The following PDE4D variants were observed in gnomAD, a reference collection of about 807,000 sequenced individuals.
PDE4D encodes the protein phosphodiesterase 4D.
In PDE4D, 24 loss-of-function variants were observed where a neutral mutation model predicts 87.4. The observed-to-expected ratio is 0.27, with a 90% CI of 0.20 to 0.39. The LOEUF (loss-of-function observed/expected upper bound fraction) is 0.39, where lower values mean the gene tolerates loss of function less well. Ranked by LOEUF, PDE4D falls within the 10% of genes least tolerant of loss-of-function variation. PDE4D has a pLI of 1.00. For missense variants in PDE4D, 714 were observed against 1,041.0 expected (o/e 0.69, Z 4.32); for synonymous variants, 384 against 383.2 (o/e 1.00, Z -0.02).
chr5:59,725,789 T>A (rs1048631821), intron 1 of PDE4D, among the ~76,000 whole-genome samples: 5 of 152,046 alleles, frequency 3.3e-5, no homozygotes, highest in Non-Finnish European at 2.9e-5. Context: ...AGGGCTTTAT[T>A]TAATTAAACA....
chr5:59,233,610 G>A (rs577010335), intron 1 of PDE4D, among the ~76,000 whole-genome samples: 2 of 152,226 alleles, frequency 1.3e-5, no homozygotes, highest in African/African-American at 2.4e-5. Flanking sequence ...AGAGCCAAAT[G>A]TTCCTCTCTA....
intron 5 of PDE4D, among the ~76,000 whole-genome samples, chr5:59,134,483 T>C (rs1049197756): frequency 2.0e-5 from 3 of 152,116 alleles, no homozygotes; most frequent in African/African-American, 7.2e-5. Context: ...AGTTTTCTCT[T>C]TGAAAAGTCA....
intron 3 of PDE4D, among the ~76,000 whole-genome samples, chr5:59,187,373 A>C (rs6871806): frequency 0.59 from 89,114 of 151,898 alleles, 26,412 homozygotes; most frequent in Middle Eastern, 0.63. Flanking sequence ...ATAAAGCAAA[A>C]AGTCTCCCCT....
intron 5 of PDE4D, chr5:59,157,012 A>AT (rs1359373093): frequency 1.7e-5 from 2 of 119,546 alleles, no homozygotes; most frequent in Non-Finnish European, 2.8e-5. Context: ...TTCTTCATTA[A>AT]TTAAAAAAAA....
At position 60,365,936 on chromosome 5, in the gene PDE4D, C is replaced by T. The variant is rs979223042; in HGVS notation, c.-90+122006G>A. Among the ~76,000 whole-genome samples, 7 of 151,382 alleles carry T rather than the reference C, an allele frequency of 4.6e-5. No individual in the cohort carries two copies. In the South Asian group the frequency reaches 1.5e-3, roughly 32 times the overall value. ...GCACATGCCTATAATCCCAGCTACT[C>T]GGGAGGCTGAGGCAGGAGAATTGCT... On this transcript the variant is annotated intron_variant, in intron 1 of 16. Transcript: ENST00000502484.
intron 1 of PDE4D, among the ~76,000 whole-genome samples, chr5:60,287,941 G>A (rs1752558834): frequency 6.6e-6 from 1 of 152,156 alleles, no homozygotes; most frequent in Non-Finnish European, 1.5e-5. Flanking sequence ...CATTTTAAAG[G>A]AGCATCCATT....
At chr5:60,083,657 C>T (rs190459128) in intron 2 of PDE4D, among the ~76,000 whole-genome samples, 5 of 152,284 alleles carry the variant, frequency 3.3e-5, no homozygotes, top group African/African-American at 1.2e-4. Context: ...AAAATAGAGT[C>T]ATTAGCCCCA....
At chr5:59,477,373 A>AAAT (rs1554190139) in intron 1 of PDE4D, among the ~76,000 whole-genome samples, 168 of 143,106 alleles carry the variant, frequency 1.2e-3, no homozygotes, top group South Asian at 3.6e-3. Flanking sequence ...AAAAAAAAAA[A>AAAT]ATTAAAGAAT....
chr5:60,123,158 C>A (rs896755075), intron 2 of PDE4D, among the ~76,000 whole-genome samples: 1 of 152,192 alleles, frequency 6.6e-6, no homozygotes, highest in African/African-American at 2.4e-5. Flanking sequence ...AAGCTCCATA[C>A]TTTCCCACAT....
At chr5:59,067,037 G>C (rs1463817) in intron 5 of PDE4D, among the ~76,000 whole-genome samples, 99,089 of 150,268 alleles carry the variant, frequency 0.66, 32,675 homozygotes, top group East Asian at 0.87. Context: ...TATTTAGAGA[G>C]AGAGTTTTGC....
intron 1 of PDE4D, among the ~76,000 whole-genome samples, chr5:60,355,764 T>C (rs1253147753): frequency 6.6e-6 from 1 of 151,938 alleles, no homozygotes; most frequent in African/African-American, 2.4e-5. Flanking sequence ...AAGAAAATCA[T>C]AAGGAAAAGA....
At chr5:59,439,760 T>C (rs1250236637) in intron 1 of PDE4D, among the ~76,000 whole-genome samples, 1 of 151,582 alleles carries the variant, frequency 6.6e-6, no homozygotes, top group East Asian at 1.9e-4. Context: ...GCCCTTGGGG[T>C]TGGGATATAG....
At chr5:59,699,798 G>T (rs1018961217) in intron 1 of PDE4D, among the ~76,000 whole-genome samples, 2 of 151,990 alleles carry the variant, frequency 1.3e-5, no homozygotes, top group Non-Finnish European at 2.9e-5. Context: ...TAGCAAAAAG[G>T]TATTTATTTT....
intron 2 of PDE4D, among the ~76,000 whole-genome samples, chr5:60,102,342 T>C (rs1378024296): frequency 1.3e-5 from 2 of 152,142 alleles, no homozygotes; most frequent in East Asian, 3.9e-4. Context: ...AGGTTTGGGA[T>C]ATGAATCCTG....
At chr5:60,216,188 C>T (rs996459942) in intron 1 of PDE4D, among the ~76,000 whole-genome samples, 2 of 152,066 alleles carry the variant, frequency 1.3e-5, no homozygotes, top group Non-Finnish European at 2.9e-5. Flanking sequence ...CTTAAAACCC[C>T]ATGAAAGTGA....
chr5:59,555,477 A>T (rs541721907), intron 1 of PDE4D, among the ~76,000 whole-genome samples: 1 of 152,226 alleles, frequency 6.6e-6, no homozygotes, highest in African/African-American at 2.4e-5. Context: ...AAAAATCTCC[A>T]TATGTACCCC....
rs1300218193 is a variant in PDE4D, at chr5:59,893,335, G to A, written c.288C>T (p.Ala96=). The A allele has an allele frequency of 2.4e-5, 36 of 1,486,472 alleles. No homozygotes were observed. The Middle Eastern group carries it at 6.1e-4, about 25-fold the overall frequency. 92.1% of individuals were successfully genotyped at this position (1,486,472 alleles called of 1,614,324 possible). Residue 96 remains alanine, a synonymous_variant, in exon 1 of 15, where the codon GCC becomes GCT. Transcript: ENST00000340635. ...PPPGAARGRY[A]SSGATGRVRH... Reference sequence around the variant, plus strand: ...GGACGCGGCCGGTGGCCCCGCTCGAGGCGTAGCGGCCGCGGGCAGCCCCGG... The same window carrying A: ...GGACGCGGCCGGTGGCCCCGCTCGAAGCGTAGCGGCCGCGGGCAGCCCCGG...
At position 59,647,580 on chromosome 5, in the gene PDE4D, T is replaced by C. The variant is rs375684480; in HGVS notation, c.455+245588A>G. ...CTAAAATTCATCTTAAACCGTATCTTCTACCACATCATTTACATGTGCAGG... is the reference window on the plus strand; with the variant it reads ...CTAAAATTCATCTTAAACCGTATCTCCTACCACATCATTTACATGTGCAGG... On this transcript the variant is annotated intron_variant, in intron 1 of 14. Transcript: ENST00000340635. Among the ~76,000 whole-genome samples the C allele has an allele frequency of 4.6e-5, 7 of 152,226 alleles. No individual in the cohort carries two copies. In the South Asian group the frequency reaches 1.2e-3, roughly 27 times the overall value.
chr5:60,197,089 A>ATAGACAGACAGT (rs1741353990), intron 1 of PDE4D, among the ~76,000 whole-genome samples: 5 of 125,720 alleles, frequency 4.0e-5, no homozygotes, highest in African/African-American at 1.4e-4. Flanking sequence ...AGATAGATAG[A>ATAGACAGACAGT]TAGATAGATA....
Sources: gnomAD v4.1 joint callset for allele counts (sites outside exome capture counted in the v4.1 genomes callset) on GRCh38, gnomAD v4.1.1 for gene constraint, MANE v1.5 for transcripts, NCBI Gene and HGNC (gene_info 2026-07-23, HGNC 2026-07-21) for gene names.